The following TCF7L1 variants were observed in gnomAD, a reference collection of about 807,000 sequenced individuals.
The protein encoded by TCF7L1 is transcription factor 7 like 1, also known as transcription factor 7-like 1.
TCF7L1 carries 18 observed loss-of-function variants against 63.7 expected under a neutral mutation model. That is an observed-to-expected ratio of 0.28 (90% CI 0.20 to 0.42). TCF7L1 has a LOEUF of 0.42. Among genes scored for constraint, TCF7L1 ranks in the 10% least tolerant of loss-of-function variants. The pLI is 1.00. For missense variants in TCF7L1, 654 were observed against 779.3 expected, an observed-to-expected ratio of 0.84 and a Z score of 1.91; for synonymous variants, 355 against 340.9, an observed-to-expected ratio of 1.04 and a Z score of -0.46.
In TCF7L1 at chr2:85,309,046, A is replaced by G; in HGVS notation, c.1351A>G (p.Ser451Gly). Residue 451 changes from serine (S) to glycine (G), a missense_variant, in exon 12 of 12, where the codon AGC (serine) becomes GGC (glycine). Physicochemically the swap from Ser to Gly is moderately conservative, Grantham distance 56. Transcript: ENST00000282111. The part of the protein sequence containing the change: ...QEAEGALASK[S>G]KKPCVQYLPP... Reference sequence around the variant, plus strand: ...CCCCCTAGGTGCCCTGGCCTCCAAGAGCAAGAAGCCATGTGTTCAGTACCT... The same window carrying G: ...CCCCCTAGGTGCCCTGGCCTCCAAGGGCAAGAAGCCATGTGTTCAGTACCT... The G allele has an allele frequency of 6.3e-7, 1 of 1,594,288 alleles. No individual in the cohort carries two copies. Among genetic ancestry groups the G allele is most frequent in the Non-Finnish European group, 8.6e-7 (1 of 1,168,874 alleles).
intron 3 of TCF7L1, among the ~76,000 whole-genome samples, chr2:85,227,853 G>A (rs1207069750): frequency 1.3e-5 from 2 of 151,816 alleles, no homozygotes; most frequent in Non-Finnish European, 2.9e-5. Flanking sequence ...TTAGCCAGGC[G>A]TGGTGCCGTG....
intron 3 of TCF7L1, among the ~76,000 whole-genome samples, chr2:85,222,115 G>C (rs932712163): frequency 2.4e-4 from 37 of 152,294 alleles, no homozygotes; most frequent in African/African-American, 8.4e-4. Flanking sequence ...GCCGAGGAGG[G>C]TGGATCACCT....
At chr2:85,293,543 T>A (rs1309193790) in intron 4 of TCF7L1, among the ~76,000 whole-genome samples, 1 of 152,200 alleles carries the variant, frequency 6.6e-6, no homozygotes, top group African/African-American at 2.4e-5. Flanking sequence ...CTCTTTTCTT[T>A]ATAAATTACC....
chr2:85,144,408 C>G (rs1677817783), intron 3 of TCF7L1, among the ~76,000 whole-genome samples: 1 of 137,794 alleles, frequency 7.3e-6, no homozygotes, highest in African/African-American at 2.8e-5. Context: ...TGGCAAAACC[C>G]TGTCTCTACA....
At chr2:85,253,661 G>C (rs967683752) in intron 3 of TCF7L1, among the ~76,000 whole-genome samples, 3 of 152,146 alleles carry the variant, frequency 2.0e-5, no homozygotes, top group Non-Finnish European at 4.4e-5. Context: ...GAGCTTTGGA[G>C]CCTCAAAGAA....
chr2:85,255,777 C>A (rs1442494469), intron 3 of TCF7L1, among the ~76,000 whole-genome samples: 1 of 152,094 alleles, frequency 6.6e-6, no homozygotes, highest in Admixed American at 6.5e-5. Flanking sequence ...TCTCTGGTCC[C>A]ACGTGGGGCA....
rs1677555140 is a variant in TCF7L1, at chr2:85,134,897, G to A, written c.441+447G>A. ...TGCAGGCTGGTTCCTAAGAAACCCA[G>A]TTTTCGTGGCGGGTTATTCACAGCC... On this transcript the variant is annotated intron_variant, in intron 3 of 11. Coordinates refer to ENST00000282111, the MANE Select transcript of TCF7L1 (RefSeq NM_031283.3). The surrounding 1 kb of genome is among the most constrained non-coding windows in gnomAD (Gnocchi z 5.0). 6.6e-6 allele frequency among the ~76,000 whole-genome samples: 1 copy of A among 152,174 alleles called. No individual in the cohort carries two copies. The highest frequency in any genetic ancestry group is 6.5e-5 in the Admixed American group (1 of 15,272).
intron 3 of TCF7L1, among the ~76,000 whole-genome samples, chr2:85,251,190 A>G (rs1399992708): frequency 6.6e-6 from 1 of 152,208 alleles, no homozygotes; most frequent in African/African-American, 2.4e-5. Flanking sequence ...TTAACAATTT[A>G]GGAGTGGAAA....
rs140852522 is a variant in TCF7L1 at position 85,263,881 on chromosome 2, C to T, written c.442-19614C>T. The stretch of plus-strand genomic sequence containing the variant: ...CTGGAGGAGTAAGTGGAAAACCAGC[C>T]GAAAGGGTGCCCCAGAAGCTGAGGG... On this transcript the variant is annotated intron_variant, in intron 3 of 11. Coordinates refer to ENST00000282111, the MANE Select transcript of TCF7L1 (RefSeq NM_031283.3). Among the ~76,000 whole-genome samples the T allele has an allele frequency of 9.1e-3, 1,379 of 152,294 alleles. 16 individuals are homozygous for T. Among genetic ancestry groups the T allele is most frequent in the African/African-American group, 0.032 (1,311 of 41,558 alleles).
intron 3 of TCF7L1, among the ~76,000 whole-genome samples, chr2:85,187,646 G>C (rs1678955251): frequency 6.6e-6 from 1 of 152,164 alleles, no homozygotes; most frequent in Admixed American, 6.5e-5. Context: ...AAGCAAGTGG[G>C]CAATTTGTGT....
At chr2:85,224,362 A>T (rs1409842176) in intron 3 of TCF7L1, among the ~76,000 whole-genome samples, 6 of 152,226 alleles carry the variant, frequency 3.9e-5, no homozygotes, top group Non-Finnish European at 8.8e-5. Context: ...AGGAATTGCC[A>T]TACTGTCTTC....
chr2:85,309,381 C>T lies in TCF7L1; in HGVS notation c.1686C>T (p.Phe562=), dbSNP rs1682220534. ...CTCTGCTGGCCTCTCCCCCGTCCTT[C>T]CCCGCCACGCTCCATGCCCACCAGG... The part of the protein sequence containing the change: ...PTALLASPPS[F]PATLHAHQAL... Residue 562 remains phenylalanine (F), a synonymous_variant, in exon 12 of 12, where the codon TTC becomes TTT. Coordinates refer to ENST00000282111, the MANE Select transcript of TCF7L1 (RefSeq NM_031283.3). The T allele has an allele frequency of 6.2e-7, 1 of 1,601,610 alleles. No individual in the cohort carries two copies. The highest frequency in any genetic ancestry group is 1.7e-5 in the Admixed American group (1 of 59,236).
intron 3 of TCF7L1, among the ~76,000 whole-genome samples, chr2:85,255,406 T>C (rs1411677028): frequency 6.6e-6 from 1 of 152,190 alleles, no homozygotes; most frequent in African/African-American, 2.4e-5. Flanking sequence ...CATGCCTGTG[T>C]GCACACCTGC....
chr2:85,164,288 T>TATA (rs2104225212), intron 3 of TCF7L1, among the ~76,000 whole-genome samples: 1 of 152,280 alleles, frequency 6.6e-6, no homozygotes, highest in Admixed American at 6.5e-5. Context: ...CAGAGATGAA[T>TATA]ATAATTCCCC....
At chr2:85,212,312 G>C (rs1047331843) in intron 3 of TCF7L1, among the ~76,000 whole-genome samples, 1 of 152,144 alleles carries the variant, frequency 6.6e-6, no homozygotes, top group Non-Finnish European at 1.5e-5. Context: ...ACCTCAAGCA[G>C]GTTACCTGAC....
chr2:85,238,613 T>C (rs939043374), intron 3 of TCF7L1, among the ~76,000 whole-genome samples: 1 of 152,016 alleles, frequency 6.6e-6, no homozygotes, highest in Non-Finnish European at 1.5e-5. Context: ...AGGCAAAGTC[T>C]ATGCCCTCAT....
chr2:85,206,121 G>C (rs1376800755), intron 3 of TCF7L1, among the ~76,000 whole-genome samples: 1 of 152,270 alleles, frequency 6.6e-6, no homozygotes, highest in Non-Finnish European at 1.5e-5. Context: ...CCTGTCTGCA[G>C]GGGCTAGGGC....
rs138595337 is a variant in TCF7L1 at position 85,201,937 on chromosome 2, T to TTTTA, written c.441+67515_441+67518dup. 5.0e-3 allele frequency among the ~76,000 whole-genome samples: 757 copies of TTTTA among 150,512 alleles called. 2 individuals are homozygous for TTTTA. Among genetic ancestry groups the TTTTA allele is most frequent in the East Asian group, 0.017 (89 of 5,156 alleles). On this transcript the variant is annotated intron_variant, in intron 3 of 11. Coordinates refer to ENST00000282111, the MANE Select transcript of TCF7L1 (RefSeq NM_031283.3). ...AAATGTCTATTCAAGTCTTTTGACT[T>TTTTA]TTTATTTATTTATTTATTTATTTAT... is the stretch of plus-strand genomic sequence containing the variant.
At chr2:85,213,035 T>C (rs1400366348) in intron 3 of TCF7L1, among the ~76,000 whole-genome samples, 2 of 148,114 alleles carry the variant, frequency 1.4e-5, no homozygotes, top group African/African-American at 5.0e-5. Flanking sequence ...AGGTGTGGGG[T>C]GGGGTGAGAA....
Sources: gnomAD v4.1 joint callset for allele counts (sites outside exome capture counted in the v4.1 genomes callset) on GRCh38, gnomAD v4.1.1 for gene constraint, Gnocchi (gnomAD v3.1) non-coding constraint, MANE v1.5 for transcripts, NCBI Gene and HGNC (gene_info 2026-07-23, HGNC 2026-07-21) for gene names.